The following PSMF1 variants were observed in gnomAD, a reference collection of about 807,000 sequenced individuals.
PSMF1 encodes the protein proteasome inhibitor subunit 1, also known as proteasome inhibitor PI31 subunit.
Under a neutral mutation model 29.3 loss-of-function variants are expected in PSMF1, and 30 were observed. The ratio of observed to expected loss-of-function variants is 1.02; its 90% CI spans 0.77 to 1.39. PSMF1 has a LOEUF of 1.39. Among genes scored for constraint, PSMF1 ranks in the 40% most tolerant of loss-of-function variants. PSMF1 has a pLI of 0.00. For missense variants in PSMF1, 344 were observed against 357.5 expected (o/e 0.96, Z 0.31); for synonymous variants, 134 against 139.7 (o/e 0.96, Z 0.29).
At chr20:1,149,115 A>G (rs911275272) in intron 4 of PSMF1, among the ~76,000 whole-genome samples, 19 of 152,224 alleles carry the variant, frequency 1.2e-4, no homozygotes, top group Admixed American at 6.5e-5. Flanking sequence ...CTGCTTCTGC[A>G]TTCAGTCTGT....
intron 2 of PSMF1, 98 bp downstream of exon 2, chr20:1,125,748 A>G: frequency 6.9e-7 from 1 of 1,451,956 alleles, no homozygotes; most frequent in Non-Finnish European, 9.3e-7. Flanking sequence ...TTCAATGTTC[A>G]TGTAGCCCTT....
At chr20:1,140,080 T>C (rs764306861) in intron 4 of PSMF1, among the ~76,000 whole-genome samples, 12 of 151,918 alleles carry the variant, frequency 7.9e-5, no homozygotes, top group African/African-American at 1.7e-4. Flanking sequence ...TTTGGGTTTT[T>C]CCCCCCCAGA....
intron 4 of PSMF1, among the ~76,000 whole-genome samples, chr20:1,148,056 AC>A (rs1278465566): frequency 6.6e-6 from 1 of 152,160 alleles, no homozygotes; most frequent in East Asian, 1.9e-4. Flanking sequence ...TGCCTCTCTC[AC>A]ACCTGGAAAT....
intron 3 of PSMF1, among the ~76,000 whole-genome samples, chr20:1,130,637 G>T (rs898953123): frequency 2.8e-4 from 42 of 152,000 alleles, no homozygotes; most frequent in African/African-American, 9.4e-4. Flanking sequence ...TTAGTAAAAT[G>T]TTTTTTTTGG....
chr20:1,135,598 A>C (rs575381025), intron 4 of PSMF1, among the ~76,000 whole-genome samples: 1 of 152,190 alleles, frequency 6.6e-6, no homozygotes, highest in Non-Finnish European at 1.5e-5. Flanking sequence ...GCTTATGTGC[A>C]GTAGTCTAAG....
Position 1,164,347 on chromosome 20 carries a change from C to T in PSMF1, c.635C>T (p.Pro212Leu), listed in dbSNP as rs1345219816. The change falls in exon 6 of 7, where the codon CCC (proline) becomes CTC (leucine). Residue 212 changes from proline to leucine, a missense_variant. Pro to Leu is a moderately conservative substitution (Grantham distance 98). Transcript: ENST00000335877. The surrounding 1 kb of genome is among the most constrained non-coding windows in gnomAD (Gnocchi z 4.1). ...GPRRGGMIVD[P>L]LRSGFPRALI... ...CGGAGAGGTGGCATGATTGTGGATC[C>T]CCTGAGATCTGGCTTCCCAAGAGCA... The T allele has an allele frequency of 6.2e-7, 1 of 1,613,906 alleles. No homozygotes were observed. The highest frequency in any genetic ancestry group is 1.7e-5 in the Admixed American group (1 of 59,994).
chr20:1,156,829 G>C (rs1225806630), intron 4 of PSMF1, among the ~76,000 whole-genome samples: 1 of 152,170 alleles, frequency 6.6e-6, no homozygotes, highest in African/African-American at 2.4e-5. Context: ...AGGTATAAAA[G>C]AAGAGTGGTA....
At chr20:1,154,115 A>T (rs997769327) in intron 4 of PSMF1, among the ~76,000 whole-genome samples, 3 of 152,354 alleles carry the variant, frequency 2.0e-5, no homozygotes, top group Non-Finnish European at 2.9e-5. Flanking sequence ...ACCTATGTGG[A>T]GGAAAGCAAT....
chr20:1,153,091 G>C (rs1318667445), intron 4 of PSMF1, among the ~76,000 whole-genome samples: 1 of 152,098 alleles, frequency 6.6e-6, no homozygotes, highest in Admixed American at 6.5e-5. Context: ...ACCAATGCTG[G>C]AGTCAGTCTC....
chr20:1,156,385 A>G (rs2086595016), intron 4 of PSMF1, among the ~76,000 whole-genome samples: 2 of 152,340 alleles, frequency 1.3e-5, no homozygotes, highest in South Asian at 4.1e-4. Flanking sequence ...AGATTTGGCA[A>G]CAGGCATAAA....
intron 1 of PSMF1, among the ~76,000 whole-genome samples, chr20:1,124,071 C>T (rs1043494949): frequency 2.0e-5 from 3 of 152,042 alleles, no homozygotes; most frequent in Non-Finnish European, 4.4e-5. Context: ...AATTTCTTTC[C>T]TTTGCAGCCA....
chr20:1,146,230 G>A (rs142612366), intron 4 of PSMF1, among the ~76,000 whole-genome samples: 21 of 152,032 alleles, frequency 1.4e-4, no homozygotes, highest in Non-Finnish European at 2.8e-4. Flanking sequence ...TCACCGGAAA[G>A]GGAATTATTT....
At position 1,170,864 on chromosome 20, in the gene PSMF1, G is replaced by A. The variant is rs80312229; in HGVS notation, c.*5784G>A. Among the ~76,000 whole-genome samples, 796 of 152,260 alleles carry A rather than the reference G, an allele frequency of 5.2e-3. 2 individuals carry two copies. The highest frequency in any genetic ancestry group is 8.4e-3 in the Admixed American group (129 of 15,294). On this transcript the variant is annotated 3_prime_UTR_variant, in exon 7 of 7. Transcript: ENST00000335877. ...TGCAGGAAACAAGCATTTATCAGGT[G>A]CACACAGCGTGCTAGGCTTCTCCTC...
chr20:1,132,746 T>G (rs1201459756), intron 3 of PSMF1, among the ~76,000 whole-genome samples: 2 of 152,198 alleles, frequency 1.3e-5, no homozygotes, highest in East Asian at 3.8e-4. Context: ...TTAGGTTTTA[T>G]TTGATTTCCA....
chr20:1,115,998 T>C (rs1360430994), upstream of PSMF1, among the ~76,000 whole-genome samples: 8 of 151,432 alleles, frequency 5.3e-5, no homozygotes, highest in African/African-American at 1.9e-4. Flanking sequence ...CCCAAAGTGC[T>C]GGGATTACAG....
rs1600182982 is a variant in PSMF1 at position 1,170,764 on chromosome 20, A to C, written c.*5684A>C. Among the ~76,000 whole-genome samples, 4 of 151,582 alleles carry C rather than the reference A, an allele frequency of 2.6e-5. No homozygotes were observed. Among genetic ancestry groups the C allele is most frequent in the African/African-American group, 9.7e-5 (4 of 41,202 alleles). ...TTGGGGCTCGGTGGGTGCTTGCTGCAATTGTTACTAAAGTCATATGGGTAG... is the reference window on the plus strand; with the variant it reads ...TTGGGGCTCGGTGGGTGCTTGCTGCCATTGTTACTAAAGTCATATGGGTAG... On this transcript the variant is annotated 3_prime_UTR_variant, in exon 7 of 7. Coordinates refer to ENST00000335877, the MANE Select transcript of PSMF1 (RefSeq NM_006814.5).
chr20:1,122,310 TTTTTTA>T (rs2086099190), intron 1 of PSMF1, among the ~76,000 whole-genome samples: 3 of 149,842 alleles, frequency 2.0e-5, no homozygotes, highest in Non-Finnish European at 3.0e-5. Flanking sequence ...TTTTTTTTTT[TTTTTTA>T]ATCCGAGATG....
In PSMF1 at chr20:1,171,747, T is replaced by C. The variant is rs1007003932; in HGVS notation, c.*6667T>C. 6.6e-6 allele frequency among the ~76,000 whole-genome samples: 1 copy of C among 152,190 alleles called. No individual in the cohort carries two copies. The highest frequency in any genetic ancestry group is 2.1e-4 in the South Asian group (1 of 4,834). ...GCTCAGGTCAGTGTCTGCTGCTTCC[T>C]TACCCAGGATGGCCCACTCTTGGGG... On this transcript the variant is annotated 3_prime_UTR_variant, in exon 7 of 7. Transcript: ENST00000335877.
Position 1,170,980 on chromosome 20 carries a change from G to A in PSMF1, c.*5900G>A, listed in dbSNP as rs374980010. ...ACCTACCCCCTGGGGTGGCAGAACC[G>A]TGATTGGAACCCAGGTCAGTGCTCT... On this transcript the variant is annotated 3_prime_UTR_variant, in exon 7 of 7. Transcript: ENST00000335877. Among the ~76,000 whole-genome samples, 53 of 152,246 alleles carry A rather than the reference G, an allele frequency of 3.5e-4. No individual in the cohort carries two copies. The Middle Eastern group carries it at 0.01, about 29-fold the overall frequency.
Sources: allele counts gnomAD v4.1 joint callset (sites outside exome capture counted in the v4.1 genomes callset), GRCh38; gene constraint gnomAD v4.1.1; non-coding constraint Gnocchi (gnomAD v3.1); transcripts MANE v1.5; gene names NCBI Gene and HGNC (gene_info 2026-07-23, HGNC 2026-07-21).